HCRTR2: variants seen among roughly 807,000 people sequenced by gnomAD.
The protein encoded by HCRTR2 is orexin receptor type 2.
Under a neutral mutation model 49.0 loss-of-function variants are expected in HCRTR2, and 22 were observed. The observed-to-expected ratio is 0.45, with a 90% CI of 0.32 to 0.64. The LOEUF (loss-of-function observed/expected upper bound fraction) is 0.64, where lower values mean the gene tolerates loss of function less well. Ranked by LOEUF, HCRTR2 falls within the 30% of genes least tolerant of loss-of-function variation. HCRTR2 has a pLI of 0.04. For synonymous variants in HCRTR2, 236 were observed against 205.3 expected (o/e 1.15, Z -1.28); for missense variants, 491 against 559.4 (o/e 0.88, Z 1.23).
chr6:55,188,781 T>A (rs1359341644), intron 1 of HCRTR2, among the ~76,000 whole-genome samples: 1 of 152,214 alleles, frequency 6.6e-6, no homozygotes, highest in Non-Finnish European at 1.5e-5. Flanking sequence ...TGAGGATTAC[T>A]GAAGAGGCAT....
chr6:55,157,643 G>T (rs1039262523), intron 1 of HCRTR2, among the ~76,000 whole-genome samples: 5 of 152,232 alleles, frequency 3.3e-5, no homozygotes, highest in Admixed American at 1.3e-4. Flanking sequence ...CCACATGGGT[G>T]CTTGTGTCAC....
chr6:55,177,031 G>C (rs1765052429), intron 1 of HCRTR2, among the ~76,000 whole-genome samples: 1 of 152,142 alleles, frequency 6.6e-6, no homozygotes, highest in South Asian at 2.1e-4. Context: ...GTAGTGAATA[G>C]TCTCCATATC....
chr6:55,120,682 A>G (rs1390380445), intron 1 of HCRTR2, among the ~76,000 whole-genome samples: 5 of 151,848 alleles, frequency 3.3e-5, no homozygotes. Flanking sequence ...TAAATATACA[A>G]TCATGTCATC....
intron 1 of HCRTR2, among the ~76,000 whole-genome samples, chr6:55,136,499 C>T (rs571342726): frequency 1.4e-4 from 21 of 152,268 alleles, no homozygotes; most frequent in African/African-American, 5.1e-4. Context: ...AAAAATATGT[C>T]ACCACATTTA....
chr6:55,149,590 T>C (rs1290171076), intron 1 of HCRTR2, among the ~76,000 whole-genome samples: 2 of 152,128 alleles, frequency 1.3e-5, no homozygotes, highest in Non-Finnish European at 2.9e-5. Flanking sequence ...AGAAATTGAA[T>C]GTAAACCCTT....
intron 1 of HCRTR2, among the ~76,000 whole-genome samples, chr6:55,195,197 C>T (rs1765388127): frequency 6.6e-6 from 1 of 152,022 alleles, no homozygotes; most frequent in African/African-American, 2.4e-5. Flanking sequence ...AAGATATCGA[C>T]TTTCTTAAAA....
At chr6:55,186,266 A>G (rs1043150377) in intron 1 of HCRTR2, among the ~76,000 whole-genome samples, 4 of 152,198 alleles carry the variant, frequency 2.6e-5, no homozygotes, top group African/African-American at 9.6e-5. Context: ...TTTTACATAT[A>G]AGTACATTTT....
upstream of HCRTR2, among the ~76,000 whole-genome samples, chr6:55,170,601 T>A (rs919840686): frequency 1.3e-5 from 2 of 151,972 alleles, no homozygotes; most frequent in Non-Finnish European, 2.9e-5. Flanking sequence ...ATTTTTATTA[T>A]ACTTTAAGTT....
chr6:55,154,336 A>G (rs901449822), intron 1 of HCRTR2, among the ~76,000 whole-genome samples: 2 of 151,832 alleles, frequency 1.3e-5, no homozygotes, highest in African/African-American at 2.4e-5. Context: ...AAAACTACAA[A>G]TGTGGGAATT....
intron 1 of HCRTR2, among the ~76,000 whole-genome samples, chr6:55,234,602 C>G (rs975393820): frequency 6.6e-6 from 1 of 152,074 alleles, no homozygotes; most frequent in Non-Finnish European, 1.5e-5. Flanking sequence ...GAGTAATGTT[C>G]AACTCCATTT....
chr6:55,205,718 G>T (rs1383519677), intron 1 of HCRTR2, among the ~76,000 whole-genome samples: 4 of 152,016 alleles, frequency 2.6e-5, no homozygotes, highest in Non-Finnish European at 4.4e-5. Flanking sequence ...TCTTGAGTTG[G>T]TTTTTTGTGT....
At chr6:55,194,253 C>G (rs1765372433) in intron 1 of HCRTR2, among the ~76,000 whole-genome samples, 1 of 151,998 alleles carries the variant, frequency 6.6e-6, no homozygotes, top group Non-Finnish European at 1.5e-5. Context: ...TTAGAAACAT[C>G]AGTTATTTAC....
chr6:55,228,184 G>A (rs1479371517), intron 1 of HCRTR2, among the ~76,000 whole-genome samples: 2 of 151,702 alleles, frequency 1.3e-5, no homozygotes, highest in Non-Finnish European at 2.9e-5. Context: ...TAGGACCAAG[G>A]GAAAAGAAGT....
chr6:55,162,482 G>A (rs1256767722), intron 1 of HCRTR2, among the ~76,000 whole-genome samples: 1 of 152,096 alleles, frequency 6.6e-6, no homozygotes, highest in Non-Finnish European at 1.5e-5. Context: ...TGGAAGTTCT[G>A]GCCAGGGCAA....
chr6:55,279,374 A>G (rs1026628404), intron 5 of HCRTR2, among the ~76,000 whole-genome samples: 1 of 152,028 alleles, frequency 6.6e-6, no homozygotes, highest in Non-Finnish European at 1.5e-5. Context: ...TTTGAGGTAA[A>G]GGGTCATAAC....
At chr6:55,125,821 CT>C (rs56125210) in intron 1 of HCRTR2, among the ~76,000 whole-genome samples, 94,092 of 151,422 alleles carry the variant, frequency 0.62, 30,374 homozygotes, top group African/African-American at 0.73. Context: ...GCTTTTTATT[CT>C]TTTTTTTTCA....
chr6:55,185,642 T>C (rs570946008), intron 1 of HCRTR2, among the ~76,000 whole-genome samples: 2 of 151,974 alleles, frequency 1.3e-5, no homozygotes, highest in African/African-American at 4.8e-5. Flanking sequence ...TGCTGAAAAC[T>C]GGACATAAGG....
At chr6:55,253,410 G>A (rs992119996) in intron 2 of HCRTR2, among the ~76,000 whole-genome samples, 4 of 151,974 alleles carry the variant, frequency 2.6e-5, no homozygotes, top group Non-Finnish European at 5.9e-5. Context: ...CAACAAGAAA[G>A]GTCCTCATGT....
intron 1 of HCRTR2, among the ~76,000 whole-genome samples, chr6:55,178,354 C>T (rs556886664): frequency 1.3e-5 from 2 of 152,228 alleles, no homozygotes; most frequent in African/African-American, 4.8e-5. Flanking sequence ...TCTAGCTATG[C>T]TTCTTGCTTC....
Sources: allele counts gnomAD v4.1 joint callset (sites outside exome capture counted in the v4.1 genomes callset), GRCh38; gene constraint gnomAD v4.1.1; transcripts MANE v1.5; gene names NCBI Gene and HGNC (gene_info 2026-07-23, HGNC 2026-07-21).